ERCC1: variants seen among roughly 807,000 people sequenced by gnomAD.
ERCC1 encodes ERCC excision repair 1, endonuclease non-catalytic subunit.
ERCC1 carries 36 observed loss-of-function variants against 37.6 expected under a neutral mutation model. The ratio of observed to expected loss-of-function variants is 0.96; its 90% confidence interval spans 0.73 to 1.26. The LOEUF (loss-of-function observed/expected upper bound fraction) is 1.26, where lower values mean the gene tolerates loss of function less well. ERCC1 is among the 50% of genes most tolerant of loss of function. The pLI is 0.00. For synonymous variants in ERCC1, 156 were observed against 162.1 expected, an observed-to-expected ratio of 0.96 and a Z score of 0.28; for missense variants, 349 against 376.5, an observed-to-expected ratio of 0.93 and a Z score of 0.60.
At chr19:45,435,076 C>A (rs996801070) in intron 1 of ERCC1, among the ~76,000 whole-genome samples, 7 of 152,052 alleles carry the variant, frequency 4.6e-5, no homozygotes, top group Admixed American at 1.3e-4. Flanking sequence ...AGCCATGGTG[C>A]CTGGCCAAAT....
At chr19:45,424,701 C>A (rs1366052493), upstream of ERCC1, among the ~76,000 whole-genome samples, 1 of 152,038 alleles carries the variant, frequency 6.6e-6, no homozygotes, top group Non-Finnish European at 1.5e-5. Context: ...CTATTAATTT[C>A]TAGGGGTACT....
At chr19:45,418,543 G>T (rs1194890301) in intron 5 of ERCC1, among the ~76,000 whole-genome samples, 1 of 148,902 alleles carries the variant, frequency 6.7e-6, no homozygotes, top group Non-Finnish European at 1.5e-5. Flanking sequence ...GAGAGATATG[G>T]CCAGGCACGG....
rs934593217 is a variant in ERCC1, at chr19:45,407,983, G to A, written c.*1692C>T. ...GCAGGAGAATCGCTTGAACCCAGGA[G>A]GTGGACATTGCAGTGAGCCGAGATC... On this transcript the variant is annotated 3_prime_UTR_variant, in exon 10 of 10. Transcript: ENST00000300853. 9.9e-7 allele frequency: 1 copy of A among 1,013,516 alleles called. No individual in the cohort carries two copies. Among genetic ancestry groups the A allele is most frequent in the African/African-American group, 1.6e-5 (1 of 62,322 alleles). The allele number at this position is 1,013,516 out of a possible 1,614,324, so 62.8% of individuals were successfully genotyped here.
intron 1 of ERCC1, 128 bp from the exon 2 acceptor site, chr19:45,423,509 C>G: frequency 4.7e-6 from 7 of 1,485,764 alleles, no homozygotes; most frequent in Non-Finnish European, 5.4e-6. Flanking sequence ...GTCCCCAACA[C>G]CCAGCGCTAG....
chr19:45,408,116 C>T lies in ERCC1; in HGVS notation c.*1559G>A. On this transcript the variant is annotated 3_prime_UTR_variant, in exon 10 of 10. Coordinates refer to ENST00000300853, the MANE Select transcript of ERCC1 (RefSeq NM_001983.4). ...CTGTTCCACTTAAGCCTCTGCCCTC[C>T]CTGTTTCTCTCTGTAGCTTCAATGG... 1.3e-6 allele frequency: 2 copies of T among 1,577,672 alleles called. No homozygotes were observed. The highest frequency in any genetic ancestry group is 8.6e-7 in the Non-Finnish European group (1 of 1,158,032).
intron 2 of ERCC1, among the ~76,000 whole-genome samples, chr19:45,422,415 C>A (rs1488551352): frequency 6.6e-6 from 1 of 152,072 alleles, no homozygotes. Flanking sequence ...ACTCCCTCAC[C>A]TCTTTCACGT....
chr19:45,426,015 G>T (rs1196416292), upstream of ERCC1, among the ~76,000 whole-genome samples: 1 of 151,506 alleles, frequency 6.6e-6, no homozygotes, highest in South Asian at 2.1e-4. Context: ...AGGCCTAGGC[G>T]GGTGGATCAC....
Position 45,414,039 on chromosome 19 carries a change from A to G in ERCC1, c.703-5T>C, listed in dbSNP as rs1973898337. 5 of 1,611,952 alleles carry G rather than the reference A, an allele frequency of 3.1e-6. No individual in the cohort carries two copies. The highest frequency in any genetic ancestry group is 1.7e-5 in the Admixed American group (1 of 59,992). On this transcript the variant is annotated splice_polypyrimidine_tract_variant and splice_region_variant and intron_variant, in intron 7 of 9. Transcript: ENST00000300853. ...GGTGGTCAGACATTCAGTCACCTGG[A>G]AAGGGTGGAGGCAGGAGTGTGTCGG...
At chr19:45,432,972 C>G (rs180786624) in intron 1 of ERCC1, among the ~76,000 whole-genome samples, 3 of 152,094 alleles carry the variant, frequency 2.0e-5, no homozygotes, top group Middle Eastern at 3.2e-3. Flanking sequence ...CCCACCTACT[C>G]GGGAGGCTGA....
chr19:45,408,584 C>G lies in ERCC1; in HGVS notation c.*1091G>C. 1 of 1,613,554 alleles carries G rather than the reference C, an allele frequency of 6.2e-7. No individual in the cohort carries two copies. Among genetic ancestry groups the G allele is most frequent in the Non-Finnish European group, 8.5e-7 (1 of 1,179,930 alleles). Reference sequence around the variant, plus strand: ...GGAGGTGGACATGGCTTTGGGGTCGCCAGAAATGGATGTGCGGAAGAAGAA... The same window carrying G: ...GGAGGTGGACATGGCTTTGGGGTCGGCAGAAATGGATGTGCGGAAGAAGAA... On this transcript the variant is annotated 3_prime_UTR_variant, in exon 10 of 10. Transcript: ENST00000300853.
Position 45,420,029 on chromosome 19 carries a change from C to T in ERCC1, c.425+295G>A, listed in dbSNP as rs370631847. The stretch of plus-strand genomic sequence containing the variant: ...CAGACCCAGGAGTCTAGGCCCCAGC[C>T]CCTCCTCCCTCAGATCCCCAGGAGT... On this transcript the variant is annotated intron_variant, in intron 4 of 9. Coordinates refer to ENST00000300853, the MANE Select transcript of ERCC1 (RefSeq NM_001983.4). This position sits in a 1 kb window ranked among gnomAD's most constrained non-coding sequence, Gnocchi z 4.8. Among the ~76,000 whole-genome samples the T allele has an allele frequency of 2.4e-4, 36 of 150,754 alleles. No homozygotes were observed. The East Asian group carries it at 6.3e-3, about 27-fold the overall frequency.
At chr19:45,451,017 C>T (rs1967105079) in intron 1 of ERCC1, among the ~76,000 whole-genome samples, 1 of 151,724 alleles carries the variant, frequency 6.6e-6, no homozygotes, top group Non-Finnish European at 1.5e-5. Flanking sequence ...CAGCCAGGAC[C>T]GGCCCGGGCG....
Position 45,420,372 on chromosome 19 carries a change from A to C in ERCC1, c.377T>G (p.Val126Gly), listed in dbSNP as rs2123512146. The C allele has an allele frequency of 6.2e-7, 1 of 1,613,908 alleles. No homozygotes were observed. The highest frequency in any genetic ancestry group is 8.5e-7 in the Non-Finnish European group (1 of 1,179,910). ...CTGGCCCAGCACATAGTCGGGAATT[A>C]CGTCGCCAAATTCCCAGGGCACATT... ...VRNVPWEFGD[V>G]IPDYVLGQST... Residue 126 changes from valine (V) to glycine (G), a missense_variant, in exon 4 of 10, where the codon GTA (valine) becomes GGA (glycine). By Grantham distance (109) the Val-to-Gly change is moderately radical. Coordinates refer to ENST00000300853, the MANE Select transcript of ERCC1 (RefSeq NM_001983.4). This position sits in a 1 kb window ranked among gnomAD's most constrained non-coding sequence, Gnocchi z 4.8.
At chr19:45,413,565 T>C (rs2123465220) in intron 9 of ERCC1, 112 bp downstream of exon 9, 1 of 1,613,890 alleles carries the variant, frequency 6.2e-7, no homozygotes, top group Middle Eastern at 1.7e-4. Context: ...CGGAAGCCAC[T>C]GTGTCTGGTC....
intron 9 of ERCC1, 170 bp from the exon 10 acceptor site, chr19:45,409,895 A>ATTTTTTTTTT (rs57573120): frequency 1.4e-4 from 24 of 171,644 alleles, no homozygotes; most frequent in African/African-American, 4.7e-4. Context: ...TATTATTATT[A>ATTTTTTTTTT]TTTTTTTTTT....
chr19:45,445,250 A>T (rs1966906012), intron 1 of ERCC1, among the ~76,000 whole-genome samples: 1 of 152,164 alleles, frequency 6.6e-6, no homozygotes, highest in Non-Finnish European at 1.5e-5. Flanking sequence ...TCCTGACCTC[A>T]AGTGATCCAC....
intron 9 of ERCC1, 50 bp downstream of exon 9, chr19:45,413,627 G>A: frequency 1.2e-6 from 2 of 1,614,150 alleles, no homozygotes; most frequent in East Asian, 4.5e-5. Context: ...GTGTTTATTT[G>A]GGGCTCTCTC....
At position 45,420,779 on chromosome 19, in the gene ERCC1, C is replaced by T. The variant is rs562849390; in HGVS notation, c.322-352G>A. Among the ~76,000 whole-genome samples the T allele has an allele frequency of 2.0e-5, 3 of 152,216 alleles. No homozygotes were observed. Among genetic ancestry groups the T allele is most frequent in the Admixed American group, 1.3e-4 (2 of 15,258 alleles). On this transcript the variant is annotated intron_variant, in intron 3 of 9. Coordinates refer to ENST00000300853, the MANE Select transcript of ERCC1 (RefSeq NM_001983.4). The surrounding 1 kb of genome is among the most constrained non-coding windows in gnomAD (Gnocchi z 4.8). ...TGGTCCTGAACACTTCCTGCCCTCA[C>T]GCCCAGCAACTTTTTGTGTTTTTAG... is the stretch of plus-strand genomic sequence containing the variant.
intron 1 of ERCC1, among the ~76,000 whole-genome samples, chr19:45,439,373 G>A (rs1338955217): frequency 6.6e-6 from 1 of 151,950 alleles, no homozygotes; most frequent in African/African-American, 2.4e-5. Context: ...TGTGGACGAC[G>A]AGGTCAGATT....
Sources: gnomAD v4.1 joint callset for allele counts (sites outside exome capture counted in the v4.1 genomes callset) on GRCh38, gnomAD v4.1.1 for gene constraint, Gnocchi (gnomAD v3.1) non-coding constraint, MANE v1.5 for transcripts, NCBI Gene and HGNC (gene_info 2026-07-23, HGNC 2026-07-21) for gene names.